The following PCDH7 variants were observed in gnomAD, a reference collection of about 807,000 sequenced individuals.
PCDH7 encodes the protein protocadherin-7.
In PCDH7, 17 loss-of-function variants were observed where a neutral mutation model predicts 58.9. That is an observed-to-expected ratio of 0.29 (90% confidence interval 0.20 to 0.43). The LOEUF is 0.43. Ranked by LOEUF, PCDH7 falls within the 20% of genes least tolerant of loss-of-function variation. PCDH7 has a pLI of 1.00. For missense variants in PCDH7, 1,274 were observed against 1,441.0 expected (o/e 0.88, Z 1.88); for synonymous variants, 664 against 616.4 (o/e 1.08, Z -1.14).
chr4:30,826,619 G>A (rs1017483690), intron 1 of PCDH7, among the ~76,000 whole-genome samples: 61 of 152,218 alleles, frequency 4.0e-4, no homozygotes, highest in African/African-American at 1.4e-3. Flanking sequence ...AAAGTCTAGA[G>A]ATTTTCAAAC....
intron 3 of PCDH7, among the ~76,000 whole-genome samples, chr4:31,085,363 T>C (rs969735701): frequency 1.1e-4 from 16 of 152,280 alleles, no homozygotes; most frequent in Admixed American, 9.8e-4. Context: ...AGCCTACAGC[T>C]GTATGACTCC....
chr4:30,763,245 T>C (rs972378021), intron 1 of PCDH7, among the ~76,000 whole-genome samples: 6 of 152,094 alleles, frequency 3.9e-5, no homozygotes, highest in Admixed American at 3.9e-4. Context: ...CATAAATAAA[T>C]ATATTTAGCC....
At chr4:30,801,911 G>A (rs1725570785) in intron 1 of PCDH7, among the ~76,000 whole-genome samples, 1 of 152,192 alleles carries the variant, frequency 6.6e-6, no homozygotes, top group Non-Finnish European at 1.5e-5. Context: ...AGAGAATGCT[G>A]CTGAAATGTC....
intron 1 of PCDH7, among the ~76,000 whole-genome samples, chr4:30,887,008 A>T (rs1480439831): frequency 2.8e-5 from 4 of 144,918 alleles, no homozygotes; most frequent in Non-Finnish European, 6.0e-5. Context: ...GAGGGATAGC[A>T]TTGGGAGATA....
At chr4:31,123,261 A>G (rs1218965144) in intron 3 of PCDH7, among the ~76,000 whole-genome samples, 1 of 152,164 alleles carries the variant, frequency 6.6e-6, no homozygotes, top group Non-Finnish European at 1.5e-5. Flanking sequence ...GAAAGAGGGT[A>G]TTAAGTAAAA....
rs568531910 is a variant in PCDH7 at position 31,113,497 on chromosome 4, T to C, written c.*8-28976T>C. On this transcript the variant is annotated intron_variant, in intron 3 of 3. Transcript: ENST00000509759. The stretch of plus-strand genomic sequence containing the variant: ...AATATTTCCTCCTTTTCCATATAAA[T>C]ATATTATCATTTTTAATTTCTGTGA... Among the ~76,000 whole-genome samples the C allele has an allele frequency of 9.2e-5, 14 of 152,276 alleles. No homozygotes were observed. The East Asian group carries it at 2.5e-3, about 27-fold the overall frequency.
chr4:31,117,360 T>A (rs1292642314), intron 3 of PCDH7, among the ~76,000 whole-genome samples: 1 of 152,194 alleles, frequency 6.6e-6, no homozygotes, highest in African/African-American at 2.4e-5. Context: ...GCTTTTTTAT[T>A]TTCTCTAGTT....
At chr4:30,981,612 A>G (rs1750575429) in intron 3 of PCDH7, among the ~76,000 whole-genome samples, 1 of 152,238 alleles carries the variant, frequency 6.6e-6, no homozygotes. Context: ...CGAATAAAAT[A>G]CAAGCTCTTC....
chr4:30,955,346 T>G (rs1395608704), intron 3 of PCDH7, among the ~76,000 whole-genome samples: 1 of 152,004 alleles, frequency 6.6e-6, no homozygotes, highest in Non-Finnish European at 1.5e-5. Flanking sequence ...CTGACTCACA[T>G]AAGCATAAAA....
chr4:30,761,358 T>C (rs1560342156), intron 1 of PCDH7, among the ~76,000 whole-genome samples: 1 of 152,150 alleles, frequency 6.6e-6, no homozygotes, highest in Non-Finnish European at 1.5e-5. Flanking sequence ...AGTGAAAATA[T>C]AATGCAAGTC....
Position 31,081,538 on chromosome 4 carries a change from C to T in PCDH7, c.*8-60935C>T, listed in dbSNP as rs190296215. Among the ~76,000 whole-genome samples, 832 of 152,226 alleles carry T rather than the reference C, an allele frequency of 5.5e-3. 7 individuals carry two copies. The highest frequency in any genetic ancestry group is 7.1e-3 in the Non-Finnish European group (485 of 68,008). On this transcript the variant is annotated intron_variant, in intron 3 of 3. Coordinates refer to the PCDH7 transcript ENST00000509759. ...TTTGCCAAAAGTCCCAATGAGATGCCTCTACAATGATTCACATTTCTGTGT... is the reference window on the plus strand; with the variant it reads ...TTTGCCAAAAGTCCCAATGAGATGCTTCTACAATGATTCACATTTCTGTGT...
intron 1 of PCDH7, among the ~76,000 whole-genome samples, chr4:30,762,269 C>T (rs2109269768): frequency 6.6e-6 from 1 of 151,946 alleles, no homozygotes; most frequent in Non-Finnish European, 1.5e-5. Context: ...ATTTTTTCCC[C>T]TGAGGCAATA....
intron 3 of PCDH7, among the ~76,000 whole-genome samples, chr4:31,032,056 A>G (rs1307899921): frequency 6.6e-6 from 1 of 152,214 alleles, no homozygotes; most frequent in Non-Finnish European, 1.5e-5. Flanking sequence ...CTTGTTAAAA[A>G]GTTTTAGTAT....
intron 1 of PCDH7, among the ~76,000 whole-genome samples, chr4:30,883,196 A>G (rs6842171): frequency 0.37 from 56,026 of 152,074 alleles, 10,767 homozygotes; most frequent in African/African-American, 0.44. Context: ...TTCGAGAGAA[A>G]GAAATGTTAT....
rs1750619281 is a variant in PCDH7 at position 30,982,042 on chromosome 4, A to G, written c.*7+31827A>G. ...ACAATGTATCGTGTTCTTGAAAATCACCAAGAAAGTAGATTTAAAGTGTTC... is the reference window on the plus strand; with the variant it reads ...ACAATGTATCGTGTTCTTGAAAATCGCCAAGAAAGTAGATTTAAAGTGTTC... On this transcript the variant is annotated intron_variant, in intron 3 of 3. Coordinates refer to the PCDH7 transcript ENST00000509759. Among the ~76,000 whole-genome samples the G allele has an allele frequency of 2.0e-5, 3 of 152,208 alleles. No homozygotes were observed. The South Asian group carries it at 6.2e-4, about 32-fold the overall frequency.
At chr4:30,921,731 A>G (rs1743208083) in intron 2 of PCDH7, among the ~76,000 whole-genome samples, 1 of 150,978 alleles carries the variant, frequency 6.6e-6, no homozygotes, top group African/African-American at 2.4e-5. Context: ...TAAGAGTTAC[A>G]TTTTTTTTAG....
chr4:31,125,596 A>G (rs1718206511), intron 3 of PCDH7, among the ~76,000 whole-genome samples: 1 of 152,118 alleles, frequency 6.6e-6, no homozygotes, highest in African/African-American at 2.4e-5. Context: ...TTGAATTTTT[A>G]TCTTTTATCT....
chr4:30,758,383 C>A (rs936391412), intron 1 of PCDH7, among the ~76,000 whole-genome samples: 3 of 152,110 alleles, frequency 2.0e-5, no homozygotes, highest in Admixed American at 2.0e-4. Context: ...TGGTTTTACC[C>A]TAAGTGTCAT....
chr4:30,818,315 T>A (rs939932295), intron 1 of PCDH7, among the ~76,000 whole-genome samples: 1 of 152,176 alleles, frequency 6.6e-6, no homozygotes, highest in Non-Finnish European at 1.5e-5. Context: ...CATTAGAATC[T>A]AAGTTGCAAG....
Sources: gnomAD v4.1 joint callset for allele counts (sites outside exome capture counted in the v4.1 genomes callset) on GRCh38, gnomAD v4.1.1 for gene constraint, MANE v1.5 for transcripts, NCBI Gene and HGNC (gene_info 2026-07-23, HGNC 2026-07-21) for gene names.